The following CABIN1 variants were observed in gnomAD, a reference collection of about 807,000 sequenced individuals.
CABIN1 encodes the protein calcineurin binding protein 1, also known as calcineurin-binding protein cabin-1.
A neutral mutation model predicts 227.7 loss-of-function variants in CABIN1; 133 were observed. The observed-to-expected ratio is 0.58, with a 90% confidence interval of 0.51 to 0.67. The LOEUF (loss-of-function observed/expected upper bound fraction) is 0.67. Ranked by LOEUF, CABIN1 falls within the 30% of genes least tolerant of loss-of-function variation. CABIN1 has a pLI of 0.00. For synonymous variants in CABIN1, 1,086 were observed against 1,155.1 expected (o/e 0.94, Z 1.21); for missense variants, 2,408 against 2,852.5 (o/e 0.84, Z 3.55).
intron 29 of CABIN1, among the ~76,000 whole-genome samples, chr22:24,159,470 G>T (rs2046026700): frequency 6.6e-6 from 1 of 152,338 alleles, no homozygotes; most frequent in African/African-American, 2.4e-5. Flanking sequence ...CTGCCTGCTT[G>T]CTCCCTTGTC....
chr22:24,065,414 G>A (rs1470605970), intron 15 of CABIN1, among the ~76,000 whole-genome samples: 13 of 149,748 alleles, frequency 8.7e-5, no homozygotes, highest in Non-Finnish European at 1.6e-4. Flanking sequence ...ATGGGGCGGC[G>A]GGGCAGAGGC....
Position 24,087,694 on chromosome 22 carries a change from C to G in CABIN1, c.3506C>G (p.Pro1169Arg). The part of the protein sequence containing the change: ...RQLKQWRGEL[P>R]PELVQQMEGR... Reference sequence around the variant, plus strand: ...TTGAAGCAGTGGAGAGGCGAGCTGCCCCCTGAGCTCGTGCAGCAGGTGAGG... The same window carrying G: ...TTGAAGCAGTGGAGAGGCGAGCTGCGCCCTGAGCTCGTGCAGCAGGTGAGG... The change falls in exon 23 of 37, where the codon CCC (proline) becomes CGC (arginine). Residue 1169 changes from proline to arginine, a missense_variant. Pro to Arg is a moderately radical substitution (Grantham distance 103). This residue lies in a region of CABIN1 where 649 missense variants were observed against 910.3 expected (regional missense o/e 0.71). Transcript: ENST00000263119. The G allele has an allele frequency of 6.2e-7, 1 of 1,613,964 alleles. No individual in the cohort carries two copies. The highest frequency in any genetic ancestry group is 8.5e-7 in the Non-Finnish European group (1 of 1,180,028).
chr22:24,047,319 G>A (rs184176024), intron 6 of CABIN1, among the ~76,000 whole-genome samples: 2 of 152,124 alleles, frequency 1.3e-5, no homozygotes, highest in Non-Finnish European at 2.9e-5. Flanking sequence ...TAAGGCCTGC[G>A]GACTGCCTCT....
chr22:24,114,411 C>T (rs920496081), intron 27 of CABIN1, among the ~76,000 whole-genome samples: 1 of 152,206 alleles, frequency 6.6e-6, no homozygotes. Flanking sequence ...AGGGCTTACA[C>T]GTGTTCCTCA....
chr22:24,017,256 C>T (rs2035371796), intron 1 of CABIN1, among the ~76,000 whole-genome samples: 1 of 152,048 alleles, frequency 6.6e-6, no homozygotes, highest in Admixed American at 6.6e-5. Flanking sequence ...CCAGGATGGT[C>T]TCCATCTCCT....
intron 4 of CABIN1, among the ~76,000 whole-genome samples, chr22:24,039,610 G>A (rs370382989): frequency 1.3e-5 from 2 of 152,318 alleles, no homozygotes; most frequent in Non-Finnish European, 2.9e-5. Flanking sequence ...CTCTCAGGAC[G>A]TGGTGGAATG....
At chr22:24,092,713 T>TGC (rs1369452045) in intron 24 of CABIN1, among the ~76,000 whole-genome samples, 2 of 151,628 alleles carry the variant, frequency 1.3e-5, no homozygotes, top group African/African-American at 4.8e-5. Context: ...TGTGTGTGTG[T>TGC]GTGTGTGTGT....
Position 24,165,644 on chromosome 22 carries a change from T to C in CABIN1, c.5007+18T>C. ...TCGCAGAGGTATGCCACCTGTGTCC[T>C]CCTCTCCTCCACGGCCCATGAACAC... On this transcript the variant is annotated intron_variant, in intron 31 of 36. Transcript: ENST00000263119. The C allele has an allele frequency of 6.2e-7, 1 of 1,601,752 alleles. No homozygotes were observed. The highest frequency in any genetic ancestry group is 8.5e-7 in the Non-Finnish European group (1 of 1,172,044).
At position 24,119,706 on chromosome 22, in the gene CABIN1, G is replaced by A. The variant is rs745751730; in HGVS notation, c.4632+8G>A. On this transcript the variant is annotated splice_region_variant and intron_variant, in intron 28 of 36. Coordinates refer to ENST00000263119, the MANE Select transcript of CABIN1 (RefSeq NM_012295.4). ...TACAGCAAGACCCACCGGGTGAGTG[G>A]CTGCCGGGCCAAGGGGGCTTGGATC... 6.2e-7 allele frequency: 1 copy of A among 1,613,236 alleles called. No homozygotes were observed. The highest frequency in any genetic ancestry group is 2.2e-5 in the East Asian group (1 of 44,878).
intron 29 of CABIN1, among the ~76,000 whole-genome samples, chr22:24,140,726 A>G (rs568267687): frequency 6.6e-6 from 1 of 152,322 alleles, no homozygotes; most frequent in South Asian, 2.1e-4. Flanking sequence ...GAAAGAAGCA[A>G]AGGGAGCTCA....
intron 28 of CABIN1, among the ~76,000 whole-genome samples, chr22:24,123,831 G>A (rs1337899584): frequency 6.6e-6 from 1 of 152,240 alleles, no homozygotes; most frequent in Non-Finnish European, 1.5e-5. Context: ...CCTGCCTGTG[G>A]GCTTGGCAGT....
At chr22:24,035,220 CTT>C (rs1400305161) in intron 1 of CABIN1, among the ~76,000 whole-genome samples, 1 of 152,192 alleles carries the variant, frequency 6.6e-6, no homozygotes, top group Non-Finnish European at 1.5e-5. Context: ...TGTTCTCACT[CTT>C]TTGTGTGCCT....
At chr22:24,132,094 A>G (rs1330985774) in intron 28 of CABIN1, among the ~76,000 whole-genome samples, 6 of 151,470 alleles carry the variant, frequency 4.0e-5, no homozygotes, top group Non-Finnish European at 5.9e-5. Context: ...AGTGTCCTAC[A>G]TCACCTTCTT....
In CABIN1 at chr22:24,166,972, C is replaced by T. The variant is rs200500123; in HGVS notation, c.5341C>T (p.Pro1781Ser). The T allele has an allele frequency of 1.0e-3, 1,582 of 1,584,004 alleles. No individual in the cohort carries two copies. Among genetic ancestry groups the T allele is most frequent in the Middle Eastern group, 3.0e-3 (18 of 6,018 alleles). The change falls in exon 32 of 37, where the codon CCA becomes TCA. Residue 1781 changes from proline to serine, a missense_variant. Coordinates refer to ENST00000263119, the MANE Select transcript of CABIN1 (RefSeq NM_012295.4). ...SDLERTPPLL[P>S]GRPARDRGPE... Reference sequence around the variant, plus strand: ...CTTGGAGCGGACACCACCCCTGCTGCCAGGTCGCCCCGCAAGGGACCGGGG... The same window carrying T: ...CTTGGAGCGGACACCACCCCTGCTGTCAGGTCGCCCCGCAAGGGACCGGGG...
At chr22:24,170,754 C>G (rs1007743275) in intron 33 of CABIN1, among the ~76,000 whole-genome samples, 2 of 140,236 alleles carry the variant, frequency 1.4e-5, no homozygotes, top group Non-Finnish European at 1.5e-5. Context: ...AGCAAACTGC[C>G]CCCCCCCCCG....
At chr22:24,150,913 T>TG (rs1202690741) in intron 29 of CABIN1, among the ~76,000 whole-genome samples, 1 of 152,070 alleles carries the variant, frequency 6.6e-6, no homozygotes, top group African/African-American at 2.4e-5. Context: ...TAATGGAGGG[T>TG]GCTATGCTTG....
intron 28 of CABIN1, among the ~76,000 whole-genome samples, chr22:24,132,915 G>C (rs934827454): frequency 5.9e-5 from 9 of 152,194 alleles, no homozygotes; most frequent in Non-Finnish European, 1.2e-4. Flanking sequence ...GTAAACTACA[G>C]GTTGTTCCTC....
chr22:24,012,312 C>A (rs1388009319), intron 1 of CABIN1, among the ~76,000 whole-genome samples: 1 of 152,082 alleles, frequency 6.6e-6, no homozygotes, highest in Non-Finnish European at 1.5e-5. Flanking sequence ...ATAATTTTCA[C>A]GTGTCATGAT....
At chr22:24,168,997 A>G (rs989093761) in intron 33 of CABIN1, among the ~76,000 whole-genome samples, 1 of 151,276 alleles carries the variant, frequency 6.6e-6, no homozygotes, top group Non-Finnish European at 1.5e-5. Flanking sequence ...TTTATTAAGC[A>G]GGGAGGAAGC....
Sources: gnomAD v4.1 joint callset for allele counts (sites outside exome capture counted in the v4.1 genomes callset) on GRCh38, gnomAD v4.1.1 for gene constraint, gnomAD v4.1.1 regional missense constraint, MANE v1.5 for transcripts, NCBI Gene and HGNC (gene_info 2026-07-23, HGNC 2026-07-21) for gene names.